Variants in MB21D2 observed in about 807,000 individuals in gnomAD.
The protein encoded by MB21D2 is Mab-21 domain containing 2.
Under a neutral mutation model 33.3 loss-of-function variants are expected in MB21D2, and 9 were observed. The observed-to-expected ratio is 0.27, with a 90% CI of 0.16 to 0.47. MB21D2 has a LOEUF of 0.47. Ranked by LOEUF, MB21D2 falls within the 20% of genes least tolerant of loss-of-function variation. The pLI is 0.99. For synonymous variants in MB21D2, 241 were observed against 236.3 expected, an observed-to-expected ratio of 1.02 and a Z score of -0.18; for missense variants, 540 against 624.6, an observed-to-expected ratio of 0.86 and a Z score of 1.44.
intron 1 of MB21D2, among the ~76,000 whole-genome samples, chr3:192,860,134 C>T (rs1378511599): frequency 2.0e-5 from 3 of 152,200 alleles, no homozygotes; most frequent in Non-Finnish European, 2.9e-5. Flanking sequence ...GAATGTAGGA[C>T]AGGCCTCCAA....
At chr3:192,867,129 A>G (rs897392491) in intron 1 of MB21D2, among the ~76,000 whole-genome samples, 2 of 152,172 alleles carry the variant, frequency 1.3e-5, no homozygotes, top group Admixed American at 1.3e-4. Context: ...TCAGTGGCTC[A>G]CTGATGAATG....
chr3:192,814,742 T>G (rs187409545), intron 1 of MB21D2, among the ~76,000 whole-genome samples: 5 of 151,956 alleles, frequency 3.3e-5, no homozygotes, highest in Non-Finnish European at 2.9e-5. Flanking sequence ...GTGGACGCCT[T>G]TAGTCCCAGC....
intron 1 of MB21D2, among the ~76,000 whole-genome samples, chr3:192,857,234 T>C (rs549102437): frequency 2.2e-4 from 34 of 152,310 alleles, no homozygotes; most frequent in African/African-American, 7.0e-4. Flanking sequence ...AAGGCTCAAA[T>C]TGAACAGTCT....
intron 1 of MB21D2, among the ~76,000 whole-genome samples, chr3:192,911,476 A>G (rs760413748): frequency 1.3e-5 from 2 of 152,212 alleles, no homozygotes; most frequent in Non-Finnish European, 2.9e-5. Flanking sequence ...CACTGTGCCT[A>G]GAACAGAGAA....
chr3:192,878,194 G>A (rs1713482894), intron 1 of MB21D2, among the ~76,000 whole-genome samples: 1 of 148,052 alleles, frequency 6.8e-6, no homozygotes, highest in South Asian at 2.1e-4. Flanking sequence ...CCGCCTCGCG[G>A]GTTCACGCCC....
At chr3:192,909,864 G>A (rs763476887) in intron 1 of MB21D2, among the ~76,000 whole-genome samples, 4 of 148,090 alleles carry the variant, frequency 2.7e-5, no homozygotes, top group East Asian at 2.0e-4. Flanking sequence ...CCCGGGAAGC[G>A]GAGGTTGCAG....
intron 1 of MB21D2, among the ~76,000 whole-genome samples, chr3:192,834,463 A>C (rs954723605): frequency 4.0e-5 from 6 of 150,814 alleles, no homozygotes; most frequent in Admixed American, 1.3e-4. Context: ...AAAAGACAAA[A>C]ATCCAGATTT....
chr3:192,819,150 G>A (rs530016410), intron 1 of MB21D2, among the ~76,000 whole-genome samples: 6 of 152,244 alleles, frequency 3.9e-5, no homozygotes, highest in East Asian at 1.9e-4. Flanking sequence ...GAGGCCATCC[G>A]GGGGCAAAAG....
intron 1 of MB21D2, among the ~76,000 whole-genome samples, chr3:192,805,766 T>C (rs564266977): frequency 2.6e-4 from 40 of 152,292 alleles, no homozygotes; most frequent in Admixed American, 2.0e-4. Context: ...AGTAAACGCA[T>C]ATAAAAACCC....
At chr3:192,801,984 A>G (rs558518345) in intron 1 of MB21D2, among the ~76,000 whole-genome samples, 122 of 152,360 alleles carry the variant, frequency 8.0e-4, no homozygotes, top group African/African-American at 2.8e-3. Flanking sequence ...ACAATTCATC[A>G]GAAAGAACAT....
At chr3:192,816,705 C>T (rs1230661036) in intron 1 of MB21D2, among the ~76,000 whole-genome samples, 1 of 152,118 alleles carries the variant, frequency 6.6e-6, no homozygotes, top group East Asian at 1.9e-4. Flanking sequence ...TTGAGGTGAA[C>T]AAGGAAGACA....
At chr3:192,867,192 T>C (rs2108635985) in intron 1 of MB21D2, among the ~76,000 whole-genome samples, 1 of 152,188 alleles carries the variant, frequency 6.6e-6, no homozygotes, top group South Asian at 2.1e-4. Context: ...GGAGCTGTAA[T>C]CTTCAGCCCC....
intron 1 of MB21D2, among the ~76,000 whole-genome samples, chr3:192,839,382 G>A (rs6803445): frequency 0.54 from 81,556 of 151,868 alleles, 22,394 homozygotes; most frequent in East Asian, 0.76. Context: ...TGCTAAACCT[G>A]TCCTACCTGT....
intron 1 of MB21D2, among the ~76,000 whole-genome samples, chr3:192,853,978 C>T (rs1270260014): frequency 6.6e-6 from 1 of 152,206 alleles, no homozygotes; most frequent in African/African-American, 2.4e-5. Flanking sequence ...CCAGCTGTTA[C>T]CCCAGCTCTC....
chr3:192,871,736 G>A (rs1451152899), intron 1 of MB21D2, among the ~76,000 whole-genome samples: 1 of 152,132 alleles, frequency 6.6e-6, no homozygotes, highest in Non-Finnish European at 1.5e-5. Context: ...GAAGCCAAAC[G>A]GCCCTTAAAA....
intron 1 of MB21D2, among the ~76,000 whole-genome samples, chr3:192,914,759 C>T (rs994928040): frequency 1.3e-5 from 2 of 151,918 alleles, no homozygotes; most frequent in Non-Finnish European, 2.9e-5. Context: ...CAGGACAGAC[C>T]CCAGAGACCA....
intron 1 of MB21D2, among the ~76,000 whole-genome samples, chr3:192,890,328 AGGTTTTTTTCCT>A (rs1230743059): frequency 6.6e-5 from 10 of 152,070 alleles, no homozygotes; most frequent in African/African-American, 2.4e-4. Flanking sequence ...AAGACTAAGA[AGGTTTTTTTCCT>A]GGTATTTTCA....
intron 1 of MB21D2, among the ~76,000 whole-genome samples, chr3:192,845,844 T>G (rs1181759255): frequency 6.6e-6 from 1 of 152,062 alleles, no homozygotes; most frequent in Admixed American, 6.5e-5. Context: ...TTTGGGAGAC[T>G]GAGGTAGGGG....
chr3:192,902,814 C>T (rs1334634854), intron 1 of MB21D2, among the ~76,000 whole-genome samples: 1 of 152,230 alleles, frequency 6.6e-6, no homozygotes, highest in Non-Finnish European at 1.5e-5. Context: ...CTCCCAGCCA[C>T]AGGCCGGTCC....
Sources: allele counts gnomAD v4.1 joint callset (sites outside exome capture counted in the v4.1 genomes callset), GRCh38; gene constraint gnomAD v4.1.1; transcripts MANE v1.5; gene names NCBI Gene and HGNC (gene_info 2026-07-23, HGNC 2026-07-21).